CAMKV: variants seen among roughly 807,000 people sequenced by gnomAD.
CAMKV encodes caM kinase-like vesicle-associated protein.
Under a neutral mutation model 50.2 loss-of-function variants are expected in CAMKV, and 5 were observed. That is an observed-to-expected ratio of 0.10 (90% confidence interval 0.05 to 0.21). CAMKV has a LOEUF of 0.21. Among genes scored for constraint, CAMKV ranks in the 10% least tolerant of loss-of-function variants. The probability of loss-of-function intolerance (pLI) is 1.00; values close to 1 mark genes in which losing one functional copy is unlikely to be tolerated. For synonymous variants in CAMKV, 229 were observed against 250.1 expected (o/e 0.92, Z 0.80); for missense variants, 361 against 650.5 (o/e 0.55, Z 4.84).
At position 49,859,342 on chromosome 3, in the gene CAMKV, C is replaced by T; in HGVS notation, c.1482G>A (p.Glu494=). The change falls in exon 11 of 11, where the codon GAG becomes GAA. Residue 494 remains glutamate (E), a synonymous_variant. Transcript: ENST00000477224. This position sits in a 1 kb window ranked among gnomAD's most constrained non-coding sequence, Gnocchi z 5.5. ...KGEEAAGYAQ[E]SQREEAS ...CTCAGCTGGCCTCCTCCCTTTGAGA[C>T]TCCTGGGCATAACCAGCAGCCTCTT... is the stretch of plus-strand genomic sequence containing the variant. 1 of 1,541,688 alleles carries T rather than the reference C, an allele frequency of 6.5e-7. No individual in the cohort carries two copies. Among genetic ancestry groups the T allele is most frequent in the Non-Finnish European group, 8.7e-7 (1 of 1,143,250 alleles).
chr3:49,860,454 C>T lies in CAMKV; in HGVS notation c.854+17G>A. ...GGGGACCCTGGCCTCTCCCACCCTC[C>T]CCTGGACCCTGCTCACCACTCATGG... On this transcript the variant is annotated intron_variant, in intron 9 of 10. Transcript: ENST00000477224. The surrounding 1 kb of genome is among the most constrained non-coding windows in gnomAD (Gnocchi z 6.1). 1.2e-6 allele frequency: 2 copies of T among 1,612,062 alleles called. No individual in the cohort carries two copies. The highest frequency in any genetic ancestry group is 1.7e-6 in the Non-Finnish European group (2 of 1,179,050).
chr3:49,860,369 C>A lies in CAMKV; in HGVS notation c.854+102G>T. 6.5e-7 allele frequency: 1 copy of A among 1,536,278 alleles called. No individual in the cohort carries two copies. Among genetic ancestry groups the A allele is most frequent in the Non-Finnish European group, 9.0e-7 (1 of 1,113,168 alleles). On this transcript the variant is annotated intron_variant, in intron 9 of 10. Coordinates refer to ENST00000477224, the MANE Select transcript of CAMKV (RefSeq NM_024046.5). The surrounding 1 kb of genome is among the most constrained non-coding windows in gnomAD (Gnocchi z 6.1). ...CTACCAGGCAGAGCCTCTGGGCTGC[C>A]CTGAGCTCTAGGTACCTGCACCCCT...
Position 49,858,486 on chromosome 3 carries a change from G to A in CAMKV, c.*832C>T, listed in dbSNP as rs1427771939. The A allele has an allele frequency of 5.0e-6, 2 of 396,374 alleles. No individual in the cohort carries two copies. The highest frequency in any genetic ancestry group is 8.9e-6 in the Non-Finnish European group (2 of 225,326). 24.6% of individuals were successfully genotyped at this position (396,374 alleles called of 1,614,324 possible). On this transcript the variant is annotated 3_prime_UTR_variant, in exon 11 of 11. Coordinates refer to ENST00000477224, the MANE Select transcript of CAMKV (RefSeq NM_024046.5). ...ATCAGCCCTCCCTGTTTGGCCCAGG[G>A]TAAGGACCCAGTAAGGCTGGGACAC...
chr3:49,859,748 G>A lies in CAMKV; in HGVS notation c.1076C>T (p.Ala359Val), dbSNP rs1307371534. The change falls in exon 11 of 11, where the codon GCG (alanine) becomes GTG (valine). Residue 359 changes from alanine (A) to valine (V), a missense_variant. This residue lies in a region of CAMKV where 87 missense variants were observed against 92.0 expected (regional missense o/e 0.95). Transcript: ENST00000477224. The surrounding 1 kb of genome is among the most constrained non-coding windows in gnomAD (Gnocchi z 5.5). Reference protein sequence around the residue: ...GAAGGATAAAASGATSAPEGD... With the variant: ...GAAGGATAAAVSGATSAPEGD... ...CTCAGGGGCTGAGGTAGCTCCACTC[G>A]CAGCTGCAGCTGTGGCCCCACCTGC... 9.5e-6 allele frequency: 15 copies of A among 1,574,544 alleles called. No homozygotes were observed. The highest frequency in any genetic ancestry group is 1.7e-5 in the Admixed American group (1 of 58,712).
Position 49,861,190 on chromosome 3 carries a change from G to A in CAMKV, c.552C>T (p.Pro184=), listed in dbSNP as rs755803730. The A allele has an allele frequency of 2.8e-5, 45 of 1,612,032 alleles. No homozygotes were observed. In the East Asian group the frequency reaches 5.6e-4, roughly 20 times the overall value. The change falls in exon 6 of 11, where the codon CCC becomes CCT. Residue 184 remains proline (P), a synonymous_variant. Coordinates refer to ENST00000477224, the MANE Select transcript of CAMKV (RefSeq NM_024046.5). The surrounding 1 kb of genome is among the most constrained non-coding windows in gnomAD (Gnocchi z 7.7). ...CCACCCCCTGCTTGCCCAGATACTCGGGGGTCCCACAGGGCTCCTTGATGA... is the reference window on the plus strand; with the variant it reads ...CCACCCCCTGCTTGCCCAGATACTCAGGGGTCCCACAGGGCTCCTTGATGA... ...NGLIKEPCGT[P]EYLAPEVVGR...
Position 49,862,089 on chromosome 3 carries a change from G to C in CAMKV, c.183C>G (p.Arg61=), listed in dbSNP as rs2082026424. 2 of 1,614,064 alleles carry C rather than the reference G, an allele frequency of 1.2e-6. No individual in the cohort carries two copies. The highest frequency in any genetic ancestry group is 2.2e-5 in the South Asian group (2 of 91,070). Residue 61 remains arginine (R), a synonymous_variant, in exon 3 of 11, where the codon CGC becomes CGG. Transcript: ENST00000477224. This position sits in a 1 kb window ranked among gnomAD's most constrained non-coding sequence, Gnocchi z 5.2. The part of the protein sequence containing the change: ...TCKKFQKRDG[R]KVRKAAKNEI... ...CGTTCTTGGCAGCTTTCCGCACCTT[G>C]CGGCCGTCCCGCTTCTGGAACTTCT...
intron 1 of CAMKV, among the ~76,000 whole-genome samples, chr3:49,865,108 G>A (rs528774495): frequency 6.6e-6 from 1 of 152,362 alleles, no homozygotes; most frequent in East Asian, 1.9e-4. Context: ...CAGGGTTTAA[G>A]CCATCTTGCG....
chr3:49,862,135 G>A lies in CAMKV; in HGVS notation c.137C>T (p.Thr46Ile). The change falls in exon 3 of 11, where the codon ACA becomes ATA. Residue 46 changes from threonine (T) to isoleucine (I), a missense_variant. Physicochemically the swap from Thr to Ile is moderately conservative, Grantham distance 89. Coordinates refer to ENST00000477224, the MANE Select transcript of CAMKV (RefSeq NM_024046.5). The surrounding 1 kb of genome is among the most constrained non-coding windows in gnomAD (Gnocchi z 5.2). ...CEIFRAKDKT[T>I]GKLHTCKKFQ... ...CTTCTTGCAGGTGTGCAGCTTGCCT[G>A]TCGTCTTGTCCTTGGCCCGGAAGAT... 2 of 1,614,224 alleles carry A rather than the reference G, an allele frequency of 1.2e-6. No homozygotes were observed. The highest frequency in any genetic ancestry group is 1.3e-5 in the African/African-American group (1 of 75,068).
rs980505613 is a variant in CAMKV at position 49,858,548 on chromosome 3, A to G, written c.*770T>C. ...CTTGTACTCTGCCCTGCCAGGTCTC[A>G]TTGCCACGTCCTAATTGTTCCTCCT... On this transcript the variant is annotated 3_prime_UTR_variant, in exon 11 of 11. Transcript: ENST00000477224. 5.1e-6 allele frequency: 2 copies of G among 393,366 alleles called. No individual in the cohort carries two copies. The highest frequency in any genetic ancestry group is 4.4e-5 in the Admixed American group (1 of 22,560). The allele number at this position is 393,366 out of a possible 1,614,324, so 24.4% of individuals were successfully genotyped here.
intron 1 of CAMKV, among the ~76,000 whole-genome samples, chr3:49,868,309 C>T (rs1016910967): frequency 6.6e-6 from 1 of 152,146 alleles, no homozygotes; most frequent in African/African-American, 2.4e-5. Flanking sequence ...TTTGGGTCCC[C>T]AGAGCCCCTC....
At position 49,859,207 on chromosome 3, in the gene CAMKV, G is replaced by T; in HGVS notation, c.*111C>A. ...AGTTATGCCCCACTGGGATGTGGGG[G>T]CATGGGGGAGCGAGGGCATCATGCC... is the stretch of plus-strand genomic sequence containing the variant. On this transcript the variant is annotated 3_prime_UTR_variant, in exon 11 of 11. Coordinates refer to ENST00000477224, the MANE Select transcript of CAMKV (RefSeq NM_024046.5). The surrounding 1 kb of genome is among the most constrained non-coding windows in gnomAD (Gnocchi z 5.5). 1.0e-6 allele frequency: 1 copy of T among 1,001,220 alleles called. No individual in the cohort carries two copies. The highest frequency in any genetic ancestry group is 1.5e-6 in the Non-Finnish European group (1 of 685,238). The allele number at this position is 1,001,220 out of a possible 1,614,324, so 62.0% of individuals were successfully genotyped here.
chr3:49,866,393 A>G (rs540278088), intron 1 of CAMKV, among the ~76,000 whole-genome samples: 15 of 152,294 alleles, frequency 9.8e-5, no homozygotes, highest in Admixed American at 9.1e-4. Context: ...TTTCACCCCC[A>G]TGGCCCAGAC....
chr3:49,862,470 T>C lies in CAMKV; in HGVS notation c.-14-68A>G, dbSNP rs997518014. 2 of 1,406,954 alleles carry C rather than the reference T, an allele frequency of 1.4e-6. No individual in the cohort carries two copies. The highest frequency in any genetic ancestry group is 2.0e-6 in the Non-Finnish European group (2 of 992,530). The allele number at this position is 1,406,954 out of a possible 1,614,324, so 87.2% of individuals were successfully genotyped here. ...CTTCCCCACAACATAGGGGCTGCTT[T>C]TGGGAGACCCCAACCTGGCTCAGGC... On this transcript the variant is annotated intron_variant, in intron 1 of 10. Coordinates refer to ENST00000477224, the MANE Select transcript of CAMKV (RefSeq NM_024046.5). The surrounding 1 kb of genome is among the most constrained non-coding windows in gnomAD (Gnocchi z 5.2).
In CAMKV at chr3:49,869,279, G is replaced by C. The variant is rs1355885124; in HGVS notation, c.-15+479C>G. 2.0e-5 allele frequency among the ~76,000 whole-genome samples: 3 copies of C among 152,170 alleles called. No homozygotes were observed. The highest frequency in any genetic ancestry group is 4.4e-5 in the Non-Finnish European group (3 of 68,028). On this transcript the variant is annotated intron_variant, in intron 1 of 10. Transcript: ENST00000477224. The surrounding 1 kb of genome is among the most constrained non-coding windows in gnomAD (Gnocchi z 5.2). ...TTGGCTGGGGGGCTGCTGGTCCCCA[G>C]GGGCTTGGAGCTTCCTCCCCCACCC...
At position 49,858,990 on chromosome 3, in the gene CAMKV, A is replaced by C; in HGVS notation, c.*328T>G. The C allele has an allele frequency of 4.2e-6, 1 of 237,602 alleles. No homozygotes were observed. Among genetic ancestry groups the C allele is most frequent in the Non-Finnish European group, 8.3e-6 (1 of 121,192 alleles). 14.7% of individuals were successfully genotyped at this position (237,602 alleles called of 1,614,324 possible). A position where few individuals can be genotyped will look rare whatever the true frequency, so the allele number is the denominator to read the frequency against. On this transcript the variant is annotated 3_prime_UTR_variant, in exon 11 of 11. Coordinates refer to ENST00000477224, the MANE Select transcript of CAMKV (RefSeq NM_024046.5). ...AGGGGAATGGTGAGGCAAGAAGGGA[A>C]GGGGAAGGAGAGCAGGAGCCCCCTG...
chr3:49,869,300 C>A lies in CAMKV; in HGVS notation c.-15+458G>T, dbSNP rs974617881. The stretch of plus-strand genomic sequence containing the variant: ...CCCAGGGGCTTGGAGCTTCCTCCCC[C>A]ACCCCGCGGCAGCCCCGCCCAGCCC... On this transcript the variant is annotated intron_variant, in intron 1 of 10. Transcript: ENST00000477224. The surrounding 1 kb of genome is among the most constrained non-coding windows in gnomAD (Gnocchi z 5.2). 6.6e-6 allele frequency among the ~76,000 whole-genome samples: 1 copy of A among 152,188 alleles called. No homozygotes were observed. Among genetic ancestry groups the A allele is most frequent in the East Asian group, 1.9e-4 (1 of 5,182 alleles).
Position 49,869,449 on chromosome 3 carries a change from C to T in CAMKV, c.-15+309G>A, listed in dbSNP as rs1381652633. On this transcript the variant is annotated intron_variant, in intron 1 of 10. Coordinates refer to ENST00000477224, the MANE Select transcript of CAMKV (RefSeq NM_024046.5). This position sits in a 1 kb window ranked among gnomAD's most constrained non-coding sequence, Gnocchi z 5.2. ...AGGCGGCTCTGGGAACGGGGAGGGACGGCTCAGCTCTCGGCCCCTATCCTC... is the reference window on the plus strand; with the variant it reads ...AGGCGGCTCTGGGAACGGGGAGGGATGGCTCAGCTCTCGGCCCCTATCCTC... Among the ~76,000 whole-genome samples the T allele has an allele frequency of 1.3e-5, 2 of 152,148 alleles. No individual in the cohort carries two copies. The highest frequency in any genetic ancestry group is 4.8e-5 in the African/African-American group (2 of 41,420).
chr3:49,864,394 C>A (rs2082047664), intron 1 of CAMKV, among the ~76,000 whole-genome samples: 1 of 152,136 alleles, frequency 6.6e-6, no homozygotes, highest in African/African-American at 2.4e-5. Context: ...AGGTGCAAGG[C>A]CCCCAAACAG....
chr3:49,862,519 CA>C lies in CAMKV; in HGVS notation c.-14-118del, dbSNP rs2082030591. ...GCCAAGCTAGGGGCAGAGACCATAC[CA>C]GGAGGGGCTAGAGGATAGGCAGGCT... On this transcript the variant is annotated intron_variant, in intron 1 of 10. Coordinates refer to ENST00000477224, the MANE Select transcript of CAMKV (RefSeq NM_024046.5). The surrounding 1 kb of genome is among the most constrained non-coding windows in gnomAD (Gnocchi z 5.2). 2.4e-6 allele frequency: 2 copies of C among 823,066 alleles called. No individual in the cohort carries two copies. Among genetic ancestry groups the C allele is most frequent in the African/African-American group, 3.3e-5 (2 of 60,200 alleles). The allele number at this position is 823,066 out of a possible 1,614,324, so 51.0% of individuals were successfully genotyped here. A position where few individuals can be genotyped will look rare whatever the true frequency, so the allele number is the denominator to read the frequency against.
Sources: allele counts gnomAD v4.1 joint callset (sites outside exome capture counted in the v4.1 genomes callset), GRCh38; gene constraint gnomAD v4.1.1; regional missense constraint gnomAD v4.1.1; non-coding constraint Gnocchi (gnomAD v3.1); transcripts MANE v1.5; gene names NCBI Gene and HGNC (gene_info 2026-07-23, HGNC 2026-07-21).